DNAH11: variants seen among roughly 807,000 people sequenced by gnomAD.
The protein encoded by DNAH11 is axonemal beta dynein heavy chain 11.
In DNAH11, 442 loss-of-function variants were observed where a neutral mutation model predicts 526.0. The observed-to-expected ratio is 0.84, with a 90% CI of 0.78 to 0.91. The LOEUF (loss-of-function observed/expected upper bound fraction) is 0.91, where lower values mean the gene tolerates loss of function less well. Ranked by LOEUF, DNAH11 falls within the 40% of genes least tolerant of loss-of-function variation. DNAH11 has a pLI of 0.00. For synonymous variants in DNAH11, 2,461 were observed against 1,935.9 expected (o/e 1.27, Z -7.12); for missense variants, 6,989 against 5,448.7 (o/e 1.28, Z -8.90).
chr7:21,725,847 C>T lies in DNAH11; in HGVS notation c.7303C>T (p.Gln2435Ter). Residue 2435 changes from glutamine (Q) to a stop codon, truncating the protein, a stop_gained, in exon 45 of 82, where the codon CAG becomes TAG. Coordinates refer to ENST00000409508, the MANE Select transcript of DNAH11 (RefSeq NM_001277115.2). LOFTEE classifies it high-confidence loss of function. Reference protein sequence around the residue: ...DYQADFSRWWQKEMKAVKFPS... With the variant: ...DYQADFSRWW ...TCAAGCTGACTTCAGTCGGTGGTGG[C>T]AGAAAGAGATGAAAGCAGTGAAATT... is the stretch of plus-strand genomic sequence containing the variant. 1.2e-6 allele frequency: 2 copies of T among 1,611,752 alleles called. No individual in the cohort carries two copies. The highest frequency in any genetic ancestry group is 1.7e-6 in the Non-Finnish European group (2 of 1,178,984).
Position 21,559,752 on chromosome 7 carries a change from G to T in DNAH11, c.842G>T (p.Trp281Leu). ...HLSPQAELDF[W>L]MMRRENLSCI... ...TCTCCTCAAGCAGAACTAGATTTCT[G>T]GATGATGAGGAGAGAAAATCTGTCA... is the stretch of plus-strand genomic sequence containing the variant. The change falls in exon 4 of 82, where the codon TGG (tryptophan) becomes TTG (leucine). Residue 281 changes from tryptophan to leucine, a missense_variant. Coordinates refer to ENST00000409508, the MANE Select transcript of DNAH11 (RefSeq NM_001277115.2). 1 of 1,606,762 alleles carries T rather than the reference G, an allele frequency of 6.2e-7. No homozygotes were observed. The highest frequency in any genetic ancestry group is 8.5e-7 in the Non-Finnish European group (1 of 1,176,156).
At chr7:21,645,136 A>G (rs1158636545) in intron 28 of DNAH11, among the ~76,000 whole-genome samples, 1 of 152,220 alleles carries the variant, frequency 6.6e-6, no homozygotes, top group Non-Finnish European at 1.5e-5. Flanking sequence ...ATGAGTTCCA[A>G]AAATTAAATG....
chr7:21,735,171 GAACA>G (rs539599048), intron 45 of DNAH11, among the ~76,000 whole-genome samples: 24 of 152,270 alleles, frequency 1.6e-4, no homozygotes, highest in African/African-American at 5.5e-4. Context: ...CACCGTCTCA[GAACA>G]AACAAACAAA....
At chr7:21,589,950 TAATTA>T (rs1784615546) in intron 12 of DNAH11, among the ~76,000 whole-genome samples, 1 of 152,188 alleles carries the variant, frequency 6.6e-6, no homozygotes, top group East Asian at 1.9e-4. Context: ...TTGTATATGG[TAATTA>T]AATTGATGGT....
chr7:21,815,280 G>C (rs1789731157), intron 63 of DNAH11, among the ~76,000 whole-genome samples: 2 of 152,188 alleles, frequency 1.3e-5, no homozygotes, highest in South Asian at 4.1e-4. Context: ...ACCTCTTGCA[G>C]ATAGAAGATT....
At chr7:21,638,832 G>A (rs945666958) in intron 27 of DNAH11, 107 bp from the exon 28 acceptor site, 5 of 1,328,994 alleles carry the variant, frequency 3.8e-6, no homozygotes, top group Middle Eastern at 3.9e-4. Context: ...CTGTTAAACA[G>A]TGAGTTTACT....
intron 63 of DNAH11, among the ~76,000 whole-genome samples, chr7:21,811,289 C>G (rs551204077): frequency 2.1e-5 from 3 of 143,334 alleles, no homozygotes; most frequent in Non-Finnish European, 3.0e-5. Context: ...ATGGTGAAAC[C>G]CCCCCCCCTA....
At chr7:21,827,026 CT>C (rs1207381736) in intron 65 of DNAH11, among the ~76,000 whole-genome samples, 1 of 152,152 alleles carries the variant, frequency 6.6e-6, no homozygotes, top group Admixed American at 6.5e-5. Flanking sequence ...CTAATTACTC[CT>C]TTCATGTCTG....
chr7:21,629,878 A>G lies in DNAH11; in HGVS notation c.4501-5993A>G, dbSNP rs1786522721. On this transcript the variant is annotated intron_variant, in intron 25 of 81. Transcript: ENST00000409508. ...GTTATGTTTCTTTAGCTATTCAGCC[A>G]CTTTATGCATTTAATTGGATAATTG... 2.0e-5 allele frequency among the ~76,000 whole-genome samples: 3 copies of G among 152,196 alleles called. No individual in the cohort carries two copies. In the South Asian group the frequency reaches 6.2e-4, roughly 32 times the overall value.
chr7:21,880,242 A>G (rs1783866350), intron 74 of DNAH11, among the ~76,000 whole-genome samples: 1 of 152,180 alleles, frequency 6.6e-6, no homozygotes, highest in African/African-American at 2.4e-5. Context: ...GCTTCATGGG[A>G]GGCTGGGAAA....
intron 5 of DNAH11, among the ~76,000 whole-genome samples, chr7:21,563,642 C>T (rs578104000): frequency 5.0e-4 from 76 of 152,258 alleles, no homozygotes; most frequent in Middle Eastern, 6.8e-3. Flanking sequence ...TCACCTCTGT[C>T]GAGTTTCAAA....
Position 21,545,136 on chromosome 7 carries a change from C to G in DNAH11, c.482C>G (p.Ala161Gly), listed in dbSNP as rs775398020. ...LPALSLGHVS[A>G]FLDEILVPVL... ...GCGTTGTCTCTTGGACATGTATCTG[C>G]TTTCCTTGATGAGGTACTGGTCTGT... The change falls in exon 2 of 82, where the codon GCT becomes GGT. Residue 161 changes from alanine to glycine, a missense_variant. Ala to Gly is a moderately conservative substitution (Grantham distance 60, BLOSUM62 0). Coordinates refer to ENST00000409508, the MANE Select transcript of DNAH11 (RefSeq NM_001277115.2). 6.2e-7 allele frequency: 1 copy of G among 1,609,766 alleles called. No homozygotes were observed. Among genetic ancestry groups the G allele is most frequent in the Admixed American group, 1.7e-5 (1 of 59,516 alleles).
intron 66 of DNAH11, among the ~76,000 whole-genome samples, chr7:21,844,055 G>T (rs1755805968): frequency 6.6e-6 from 1 of 152,080 alleles, no homozygotes; most frequent in Non-Finnish European, 1.5e-5. Flanking sequence ...ATAAATCAGG[G>T]GTCCGCAAAC....
At position 21,873,298 on chromosome 7, in the gene DNAH11, C is replaced by A; in HGVS notation, c.11992C>A (p.Leu3998Ile). Reference protein sequence around the residue: ...LQNVHLVAKWLGTLEKLLERF... With the variant: ...LQNVHLVAKWIGTLEKLLERF... ...GAATGTTCATTTGGTAGCCAAGTGG[C>A]TAGGAACCTTGGAGAAGCTCCTTGA... Residue 3998 changes from leucine to isoleucine, a missense_variant, in exon 74 of 82, where the codon CTA (leucine) becomes ATA (isoleucine). Leu to Ile is a conservative substitution (Grantham distance 5). Coordinates refer to ENST00000409508, the MANE Select transcript of DNAH11 (RefSeq NM_001277115.2). The A allele has an allele frequency of 6.3e-7, 1 of 1,599,698 alleles. No individual in the cohort carries two copies. Among genetic ancestry groups the A allele is most frequent in the African/African-American group, 1.3e-5 (1 of 74,828 alleles).
chr7:21,873,594 G>C, intron 74 of DNAH11, 93 bp downstream of exon 74: 1 of 1,251,922 alleles, frequency 8.0e-7, no homozygotes, highest in African/African-American at 1.5e-5. Flanking sequence ...GTCATTGAGA[G>C]GGATGAAGCA....
rs191487252 is a variant in DNAH11 at position 21,884,246 on chromosome 7, A to G, written c.12388-45A>G. On this transcript the variant is annotated intron_variant, in intron 75 of 81. Transcript: ENST00000409508. ...TGCTACTGGTTGGCTACTCTGAGGC[A>G]GACTCTGCACCCAGCAGTGAATATT... is the stretch of plus-strand genomic sequence containing the variant. The G allele has an allele frequency of 3.6e-5, 55 of 1,531,448 alleles. No homozygotes were observed. The East Asian group carries it at 1.3e-3, about 35-fold the overall frequency. The allele number at this position is 1,531,448 out of a possible 1,614,324, so 94.9% of individuals were successfully genotyped here. A position where few individuals can be genotyped will look rare whatever the true frequency, so the allele number is the denominator to read the frequency against.
At chr7:21,773,526 G>C (rs1787529693) in intron 55 of DNAH11, among the ~76,000 whole-genome samples, 1 of 152,048 alleles carries the variant, frequency 6.6e-6, no homozygotes, top group African/African-American at 2.4e-5. Context: ...TATTTGGTAT[G>C]TGGAGCACAT....
intron 54 of DNAH11, among the ~76,000 whole-genome samples, chr7:21,762,586 T>A (rs1463617485): frequency 2.0e-5 from 3 of 152,210 alleles, no homozygotes; most frequent in Non-Finnish European, 4.4e-5. Context: ...GCATTTTAAC[T>A]AAGGCTTGTT....
chr7:21,852,661 T>G (rs747981237), intron 67 of DNAH11, 30 bp downstream of exon 67: 13 of 1,540,622 alleles, frequency 8.4e-6, no homozygotes, highest in Non-Finnish European at 9.6e-6. Flanking sequence ...CCTGGCAGAT[T>G]CTAATGCTCT....
Sources: gnomAD v4.1 joint callset for allele counts (sites outside exome capture counted in the v4.1 genomes callset) on GRCh38, gnomAD v4.1.1 for gene constraint, MANE v1.5 for transcripts, NCBI Gene and HGNC (gene_info 2026-07-23, HGNC 2026-07-21) for gene names.